The following THSD4 variants were observed in gnomAD, a reference collection of about 807,000 sequenced individuals.
THSD4 encodes the protein thrombospondin type-1 domain-containing protein 4.
THSD4 carries 69 observed loss-of-function variants against 119.0 expected under a neutral mutation model. The observed-to-expected ratio is 0.58, with a 90% CI of 0.48 to 0.71. The LOEUF is 0.71. THSD4 is among the 30% of genes least tolerant of loss of function. The pLI is 0.00. For missense variants in THSD4, 1,393 were observed against 1,391.1 expected, an observed-to-expected ratio of 1.00 and a Z score of -0.02; for synonymous variants, 524 against 540.4, an observed-to-expected ratio of 0.97 and a Z score of 0.42.
chr15:71,329,444 G>C (rs1000417823), intron 6 of THSD4, among the ~76,000 whole-genome samples: 2 of 152,164 alleles, frequency 1.3e-5, no homozygotes, highest in Non-Finnish European at 2.9e-5. Flanking sequence ...ACTTCTAGAA[G>C]GTTCTTTTAG....
chr15:71,341,747 GCT>G (rs758285100), intron 6 of THSD4: 9 of 867,078 alleles, frequency 1.0e-5, no homozygotes, highest in Middle Eastern at 3.3e-4. Flanking sequence ...TAGGAAAAGA[GCT>G]CTCTCCCTTT....
chr15:71,498,678 C>T (rs2048064289), intron 7 of THSD4, among the ~76,000 whole-genome samples: 1 of 151,964 alleles, frequency 6.6e-6, no homozygotes, highest in Non-Finnish European at 1.5e-5. Flanking sequence ...CTGCACACGG[C>T]AACCAAGTTA....
At chr15:71,526,864 T>C (rs1037511454) in intron 7 of THSD4, among the ~76,000 whole-genome samples, 1 of 152,174 alleles carries the variant, frequency 6.6e-6, no homozygotes, top group Admixed American at 6.5e-5. Context: ...GAGCAAGTTA[T>C]GGAGTGTGGC....
At chr15:71,768,443 A>G (rs906608597) in intron 16 of THSD4, among the ~76,000 whole-genome samples, 3 of 152,096 alleles carry the variant, frequency 2.0e-5, no homozygotes, top group Admixed American at 6.5e-5. Flanking sequence ...CACCACCGCA[A>G]CCAAAAACTT....
intron 4 of THSD4, among the ~76,000 whole-genome samples, chr15:71,223,217 A>G (rs2043989343): frequency 6.6e-6 from 1 of 152,194 alleles, no homozygotes; most frequent in African/African-American, 2.4e-5. Context: ...TATCTCCTTC[A>G]AGGTCACGCA....
At chr15:71,349,767 C>T (rs1208081402) in intron 6 of THSD4, among the ~76,000 whole-genome samples, 1 of 151,992 alleles carries the variant, frequency 6.6e-6, no homozygotes, top group Non-Finnish European at 1.5e-5. Context: ...GCTGCATGTG[C>T]TTAGGTTTGA....
chr15:71,143,979 A>G (rs1424502489), intron 2 of THSD4, among the ~76,000 whole-genome samples: 1 of 152,044 alleles, frequency 6.6e-6, no homozygotes, highest in Non-Finnish European at 1.5e-5. Flanking sequence ...ATTTCAAGGA[A>G]ATTGCCCACA....
chr15:71,340,759 C>T (rs2045556019), intron 6 of THSD4, among the ~76,000 whole-genome samples: 1 of 152,046 alleles, frequency 6.6e-6, no homozygotes, highest in Non-Finnish European at 1.5e-5. Flanking sequence ...GTGCCCACCA[C>T]CACACCTGGC....
intron 7 of THSD4, among the ~76,000 whole-genome samples, chr15:71,608,233 A>AT (rs1387764133): frequency 1.3e-4 from 8 of 61,198 alleles, no homozygotes; most frequent in East Asian, 1.1e-3. Context: ...AAAAAAAAAA[A>AT]AAAAATATAT....
In THSD4 at chr15:71,650,376, A is replaced by G. The variant is rs368949213; in HGVS notation, c.1153-10154A>G. On this transcript the variant is annotated intron_variant, in intron 7 of 17. Coordinates refer to ENST00000261862, the MANE Select transcript of THSD4 (RefSeq NM_024817.3). ...TCACCTGAGAATGCTGTTAAACTGC[A>G]GATTCTGATTCAGTAGCCCTGGGAA... 9.2e-5 allele frequency among the ~76,000 whole-genome samples: 14 copies of G among 152,316 alleles called. 2 individuals are homozygous for G. The East Asian group carries it at 1.9e-3, about 21-fold the overall frequency.
intron 3 of THSD4, among the ~76,000 whole-genome samples, chr15:71,194,920 G>A (rs1323237942): frequency 6.6e-6 from 1 of 152,048 alleles, no homozygotes; most frequent in East Asian, 1.9e-4. Context: ...AAAGTCGGCG[G>A]CCACCAGAGA....
intron 6 of THSD4, among the ~76,000 whole-genome samples, chr15:71,382,542 A>G (rs138791261): frequency 1.3e-3 from 191 of 152,240 alleles, no homozygotes; most frequent in African/African-American, 4.2e-3. Context: ...TTCCTTCTGA[A>G]ACCACCTCCA....
intron 7 of THSD4, among the ~76,000 whole-genome samples, chr15:71,594,739 G>A (rs989709925): frequency 6.6e-6 from 1 of 152,182 alleles, no homozygotes; most frequent in African/African-American, 2.4e-5. Flanking sequence ...CCCCATATCA[G>A]TATTGTGTGA....
chr15:71,686,399 A>G (rs973221033), intron 8 of THSD4, among the ~76,000 whole-genome samples: 1 of 152,206 alleles, frequency 6.6e-6, no homozygotes, highest in Non-Finnish European at 1.5e-5. Flanking sequence ...CTCTCTGTCT[A>G]CTGAATCAGG....
At chr15:71,296,126 AT>A (rs2044859777) in intron 6 of THSD4, among the ~76,000 whole-genome samples, 1 of 152,190 alleles carries the variant, frequency 6.6e-6, no homozygotes, top group Non-Finnish European at 1.5e-5. Flanking sequence ...TCATGGACAC[AT>A]TTTTGTGAGG....
chr15:71,286,618 T>C (rs1162291599), intron 6 of THSD4, among the ~76,000 whole-genome samples: 1 of 152,240 alleles, frequency 6.6e-6, no homozygotes, highest in Non-Finnish European at 1.5e-5. Context: ...AACATATGCA[T>C]GCATGTGTCT....
intron 6 of THSD4, among the ~76,000 whole-genome samples, chr15:71,260,487 C>CTAAACTTATATCTTA (rs1567173238): frequency 6.6e-6 from 1 of 152,024 alleles, no homozygotes; most frequent in African/African-American, 2.4e-5. Context: ...GAGCATTATT[C>CTAAACTTATATCTTA]ATTGGTGGAT....
In THSD4 at chr15:71,378,243, C is replaced by T. The variant is rs115541453; in HGVS notation, c.1016-33444C>T. Reference sequence around the variant, plus strand: ...GTGGCTTTTTCTAATAATATCAATACATCATACAGTTTTCTATCGGGTCAA... The same window carrying T: ...GTGGCTTTTTCTAATAATATCAATATATCATACAGTTTTCTATCGGGTCAA... On this transcript the variant is annotated intron_variant, in intron 6 of 17. Transcript: ENST00000261862. 2.3e-3 allele frequency among the ~76,000 whole-genome samples: 350 copies of T among 152,156 alleles called. 4 individuals are homozygous for T. The highest frequency in any genetic ancestry group is 7.9e-3 in the African/African-American group (329 of 41,506).
chr15:71,413,642 C>T (rs755270396), intron 7 of THSD4, among the ~76,000 whole-genome samples: 1 of 152,168 alleles, frequency 6.6e-6, no homozygotes, highest in African/African-American at 2.4e-5. Flanking sequence ...TTTGTTCTCA[C>T]ATTTTGAATG....
Sources: gnomAD v4.1 joint callset for allele counts (sites outside exome capture counted in the v4.1 genomes callset) on GRCh38, gnomAD v4.1.1 for gene constraint, MANE v1.5 for transcripts, NCBI Gene and HGNC (gene_info 2026-07-23, HGNC 2026-07-21) for gene names.